SLC9A9: variants seen among roughly 807,000 people sequenced by gnomAD.
SLC9A9 encodes solute carrier family 9 member A9.
A neutral mutation model predicts 77.8 loss-of-function variants in SLC9A9; 62 were observed. The observed-to-expected ratio is 0.80, with a 90% CI of 0.65 to 0.98. The LOEUF (loss-of-function observed/expected upper bound fraction) is 0.98. SLC9A9 is among the 50% of genes least tolerant of loss of function. The pLI, the probability that SLC9A9 is intolerant of heterozygous loss-of-function variation, is 0.00. For synonymous variants in SLC9A9, 320 were observed against 283.5 expected, an observed-to-expected ratio of 1.13 and a Z score of -1.29; for missense variants, 775 against 774.9, an observed-to-expected ratio of 1.00 and a Z score of 0.00.
At chr3:143,484,124 A>C (rs1312493201) in intron 11 of SLC9A9, among the ~76,000 whole-genome samples, 1 of 152,216 alleles carries the variant, frequency 6.6e-6, no homozygotes, top group Non-Finnish European at 1.5e-5. Context: ...AAACTTATTC[A>C]TGAAGCAGGC....
chr3:143,750,264 G>T (rs1576701084), intron 4 of SLC9A9, among the ~76,000 whole-genome samples: 1 of 152,298 alleles, frequency 6.6e-6, no homozygotes, highest in East Asian at 1.9e-4. Context: ...AACTTTCAGT[G>T]GAGGCTTTAA....
intron 4 of SLC9A9, among the ~76,000 whole-genome samples, chr3:143,782,742 A>T (rs574548979): frequency 1.3e-5 from 2 of 152,362 alleles, no homozygotes; most frequent in South Asian, 4.1e-4. Context: ...TTATGAACTC[A>T]TTGATTCATT....
At chr3:143,539,986 A>G (rs900172442) in intron 9 of SLC9A9, among the ~76,000 whole-genome samples, 16 of 152,276 alleles carry the variant, frequency 1.1e-4, no homozygotes, top group Admixed American at 3.9e-4. Flanking sequence ...AAAATATAAT[A>G]AAGAAAATTA....
At chr3:143,618,917 G>T (rs1467450842) in intron 6 of SLC9A9, among the ~76,000 whole-genome samples, 1 of 152,222 alleles carries the variant, frequency 6.6e-6, no homozygotes, top group Non-Finnish European at 1.5e-5. Flanking sequence ...AGAATTGGCA[G>T]TTTCCATGGA....
chr3:143,389,577 G>A (rs554705693), intron 12 of SLC9A9, among the ~76,000 whole-genome samples: 10 of 152,282 alleles, frequency 6.6e-5, no homozygotes, highest in South Asian at 4.1e-4. Flanking sequence ...AGATAAAACC[G>A]AAACTCAGGG....
At position 143,769,545 on chromosome 3, in the gene SLC9A9, T is replaced by C. The variant is rs368645833; in HGVS notation, c.533+25456A>G. Among the ~76,000 whole-genome samples, 10 of 152,288 alleles carry C rather than the reference T, an allele frequency of 6.6e-5. No individual in the cohort carries two copies. The East Asian group carries it at 1.2e-3, about 18-fold the overall frequency. On this transcript the variant is annotated intron_variant, in intron 4 of 15. Transcript: ENST00000316549. ...TGAGAACTGCTTCTTTTCCACACTG[T>C]TATAAATGCTCTCTTTTGCTATTTT...
At chr3:143,825,812 A>C (rs754331891) in intron 2 of SLC9A9, among the ~76,000 whole-genome samples, 7 of 152,212 alleles carry the variant, frequency 4.6e-5, no homozygotes, top group Non-Finnish European at 8.8e-5. Flanking sequence ...AACTGTACTG[A>C]CAACTTTTTG....
chr3:143,340,712 T>A (rs2032072793), intron 14 of SLC9A9, among the ~76,000 whole-genome samples: 1 of 152,184 alleles, frequency 6.6e-6, no homozygotes, highest in African/African-American at 2.4e-5. Flanking sequence ...ATTCATCAGT[T>A]TACATTTCTG....
intron 4 of SLC9A9, among the ~76,000 whole-genome samples, chr3:143,742,530 T>A (rs1006066453): frequency 6.6e-6 from 1 of 152,180 alleles, no homozygotes; most frequent in Non-Finnish European, 1.5e-5. Flanking sequence ...TTACAATATA[T>A]CTGACCAGTA....
intron 12 of SLC9A9, among the ~76,000 whole-genome samples, chr3:143,454,595 A>G (rs1258195490): frequency 2.6e-5 from 4 of 152,162 alleles, no homozygotes; most frequent in Admixed American, 6.5e-5. Flanking sequence ...TAGCAGCATA[A>G]AACAACACCT....
chr3:143,714,697 G>T (rs1344117435), intron 4 of SLC9A9, among the ~76,000 whole-genome samples: 1 of 152,166 alleles, frequency 6.6e-6, no homozygotes, highest in Non-Finnish European at 1.5e-5. Flanking sequence ...CAAAGCATGT[G>T]CCCCAAGAGG....
At chr3:143,673,119 G>A (rs1254455423) in intron 5 of SLC9A9, among the ~76,000 whole-genome samples, 2 of 152,160 alleles carry the variant, frequency 1.3e-5, no homozygotes, top group South Asian at 2.1e-4. Flanking sequence ...CAAGTACAGT[G>A]TATAGAAATG....
At chr3:143,414,848 G>A (rs889559136) in intron 12 of SLC9A9, among the ~76,000 whole-genome samples, 23 of 152,178 alleles carry the variant, frequency 1.5e-4, no homozygotes, top group African/African-American at 5.5e-4. Flanking sequence ...GCTTAGCGAG[G>A]AAGGCATATT....
intron 5 of SLC9A9, among the ~76,000 whole-genome samples, chr3:143,684,822 C>T (rs892212573): frequency 6.6e-6 from 1 of 151,852 alleles, no homozygotes; most frequent in Admixed American, 6.6e-5. Context: ...TATTATGCAT[C>T]AAAGCAGAAA....
intron 14 of SLC9A9, among the ~76,000 whole-genome samples, chr3:143,349,100 ACT>A (rs2032381296): frequency 6.6e-6 from 1 of 151,972 alleles, no homozygotes; most frequent in Non-Finnish European, 1.5e-5. Flanking sequence ...TCAGTCTCCA[ACT>A]CTCTGCCCCC....
intron 5 of SLC9A9, among the ~76,000 whole-genome samples, chr3:143,660,575 A>G (rs1028398149): frequency 1.3e-5 from 2 of 152,236 alleles, no homozygotes; most frequent in Non-Finnish European, 1.5e-5. Context: ...CTTCTGACCT[A>G]TGGAACTGTG....
chr3:143,715,939 T>C (rs1934333556), intron 4 of SLC9A9, among the ~76,000 whole-genome samples: 1 of 152,204 alleles, frequency 6.6e-6, no homozygotes, highest in Non-Finnish European at 1.5e-5. Context: ...AAATGTGAGG[T>C]CTATACCCAA....
At chr3:143,542,284 A>AT (rs1358519564) in intron 9 of SLC9A9, among the ~76,000 whole-genome samples, 1 of 152,216 alleles carries the variant, frequency 6.6e-6, no homozygotes, top group Non-Finnish European at 1.5e-5. Context: ...CTAGGATGGT[A>AT]TTTTTAAAGA....
At chr3:143,316,454 T>C (rs2031216118) in intron 14 of SLC9A9, among the ~76,000 whole-genome samples, 3 of 152,164 alleles carry the variant, frequency 2.0e-5, no homozygotes. Context: ...CTGGCAGATA[T>C]TACAAATTTG....
Sources: allele counts gnomAD v4.1 joint callset (sites outside exome capture counted in the v4.1 genomes callset), GRCh38; gene constraint gnomAD v4.1.1; transcripts MANE v1.5; gene names NCBI Gene and HGNC (gene_info 2026-07-23, HGNC 2026-07-21).